Variants in DOCK10 observed in about 807,000 individuals in gnomAD.
DOCK10 encodes dedicator of cytokinesis protein 10.
Under a neutral mutation model 280.1 loss-of-function variants are expected in DOCK10, and 145 were observed. The observed-to-expected ratio is 0.52, with a 90% CI of 0.45 to 0.59. DOCK10 has a LOEUF of 0.59. DOCK10 is among the 20% of genes least tolerant of loss of function. DOCK10 has a pLI of 0.00. For synonymous variants in DOCK10, 915 were observed against 942.2 expected (o/e 0.97, Z 0.53); for missense variants, 2,368 against 2,651.7 (o/e 0.89, Z 2.35).
At chr2:224,978,556 T>C (rs893234479) in intron 1 of DOCK10, among the ~76,000 whole-genome samples, 13 of 152,028 alleles carry the variant, frequency 8.6e-5, no homozygotes, top group African/African-American at 2.9e-4. Flanking sequence ...ATAAGAAAAA[T>C]ATGTGATCAG....
At chr2:224,972,155 T>A (rs770268409) in intron 1 of DOCK10, among the ~76,000 whole-genome samples, 1 of 152,214 alleles carries the variant, frequency 6.6e-6, no homozygotes, top group Non-Finnish European at 1.5e-5. Context: ...TGTGCAAAGT[T>A]TGTAGCAAAG....
At chr2:224,793,500 T>C (rs751336481) in intron 45 of DOCK10, 43 bp from the exon 46 acceptor site, 14 of 1,512,622 alleles carry the variant, frequency 9.3e-6, no homozygotes, top group Non-Finnish European at 1.2e-5. Flanking sequence ...GGATGGAGTT[T>C]AATATAATTA....
intron 3 of DOCK10, among the ~76,000 whole-genome samples, chr2:224,901,520 G>A (rs1388239989): frequency 1.3e-5 from 2 of 152,196 alleles, no homozygotes; most frequent in Non-Finnish European, 2.9e-5. Context: ...CTGCCTGTAT[G>A]TGTTTAGACA....
At chr2:224,877,139 G>A (rs942689384) in intron 7 of DOCK10, among the ~76,000 whole-genome samples, 1 of 152,170 alleles carries the variant, frequency 6.6e-6, no homozygotes, top group African/African-American at 2.4e-5. Flanking sequence ...GTGCCCCCAT[G>A]TACTTATATG....
chr2:224,993,499 C>A (rs1365340327), intron 1 of DOCK10, among the ~76,000 whole-genome samples: 1 of 152,144 alleles, frequency 6.6e-6, no homozygotes, highest in African/African-American at 2.4e-5. Flanking sequence ...GTCAACTGTG[C>A]CTTCCATTGC....
At position 224,874,135 on chromosome 2, in the gene DOCK10, T is replaced by G; in HGVS notation, c.1118A>C (p.Lys373Thr). The change falls in exon 11 of 56, where the codon AAA (lysine) becomes ACA (threonine). Residue 373 changes from lysine to threonine, a missense_variant. Transcript: ENST00000258390. ...AGACTCAGGTTCCAAGAGATCTTTT[T>G]TTTGAAGTTTCAAGGTCTAAAAAAG... ...DPDIDTLKLQ[K>T]KDLLEPESVI... is the part of the protein sequence containing the mutation. The G allele has an allele frequency of 1.3e-6, 2 of 1,594,500 alleles. No homozygotes were observed. The highest frequency in any genetic ancestry group is 2.3e-5 in the South Asian group (2 of 87,038).
chr2:224,788,579 G>A (rs1691914234), intron 48 of DOCK10, among the ~76,000 whole-genome samples: 1 of 152,054 alleles, frequency 6.6e-6, no homozygotes, highest in Admixed American at 6.5e-5. Context: ...TACTTAATGA[G>A]AGGAGTTCTA....
intron 4 of DOCK10, among the ~76,000 whole-genome samples, chr2:224,892,446 G>GAAAAGAAA (rs1458963328): frequency 7.4e-6 from 1 of 135,234 alleles, no homozygotes; most frequent in African/African-American, 2.7e-5. Context: ...GAAAAGAAAA[G>GAAAAGAAA]AAAAAAATCG....
At chr2:224,999,279 T>C (rs1706361262) in intron 1 of DOCK10, among the ~76,000 whole-genome samples, 1 of 151,946 alleles carries the variant, frequency 6.6e-6, no homozygotes, top group Non-Finnish European at 1.5e-5. Context: ...GGTCTCGCTA[T>C]GTTGCCCACG....
At chr2:224,792,940 T>G (rs1692300868) in intron 47 of DOCK10, 34 bp downstream of exon 47, 1 of 1,483,730 alleles carries the variant, frequency 6.7e-7, no homozygotes, top group Non-Finnish European at 9.4e-7. Context: ...GGATTTCCTC[T>G]GCATTGGGAT....
chr2:225,005,340 T>G (rs561816575), intron 1 of DOCK10, among the ~76,000 whole-genome samples: 1 of 152,324 alleles, frequency 6.6e-6, no homozygotes, highest in Non-Finnish European at 1.5e-5. Context: ...TTTCAATCAT[T>G]GGTGAATTCA....
At chr2:225,024,224 GA>G (rs1357600283) in intron 1 of DOCK10, among the ~76,000 whole-genome samples, 3 of 152,038 alleles carry the variant, frequency 2.0e-5, no homozygotes, top group Non-Finnish European at 4.4e-5. Context: ...TTCTGGACCA[GA>G]AAAAAACAAT....
intron 18 of DOCK10, among the ~76,000 whole-genome samples, chr2:224,850,066 T>C (rs1696629710): frequency 6.6e-6 from 1 of 152,214 alleles, no homozygotes; most frequent in Non-Finnish European, 1.5e-5. Context: ...GACCTCATTA[T>C]ATGCTCATTG....
At chr2:224,852,472 T>G (rs778009523) in intron 17 of DOCK10, 30 bp from the exon 18 acceptor site, 2 of 1,528,654 alleles carry the variant, frequency 1.3e-6, no homozygotes, top group South Asian at 2.4e-5. Context: ...AAATGGAAAT[T>G]GTAATTTCCT....
Position 224,778,282 on chromosome 2 carries a change from G to A in DOCK10, c.5658C>T (p.Gly1886=), listed in dbSNP as rs757064081. Residue 1886 remains glycine, a splice_region_variant and synonymous_variant, in exon 51 of 56, where the codon GGC becomes GGT. Transcript: ENST00000258390. ...RYYRVAFYGQ[G]FFEEEEGKEY... ...CTTTACCTTCTTCTTCTTCAAAAAA[G>A]CCCTATGGAACATAATGAACCACCA... 1.2e-6 allele frequency: 2 copies of A among 1,600,254 alleles called. No homozygotes were observed. Among genetic ancestry groups the A allele is most frequent in the South Asian group, 2.2e-5 (2 of 88,990 alleles).
chr2:224,978,779 T>G (rs62188014), intron 1 of DOCK10, among the ~76,000 whole-genome samples: 44 of 152,204 alleles, frequency 2.9e-4, no homozygotes, highest in Non-Finnish European at 5.9e-4. Context: ...TATATGCAAC[T>G]TCCTACTTGA....
At position 224,853,043 on chromosome 2, in the gene DOCK10, T is replaced by C; in HGVS notation, c.1968A>G (p.Glu656=). The C allele has an allele frequency of 6.2e-7, 1 of 1,612,242 alleles. No individual in the cohort carries two copies. The highest frequency in any genetic ancestry group is 1.1e-5 in the South Asian group (1 of 90,840). Residue 656 remains glutamate (E), a synonymous_variant, in exon 17 of 56, where the codon GAA becomes GAG. Transcript: ENST00000258390. The stretch of plus-strand genomic sequence containing the variant: ...AATACTTTGTTGAATCGTAAACAAA[T>C]TCTTCCACCTCCACTGTGGGTTCTG... ...AQTEPTVEVE[E]FVYDSTKYCR... is the part of the protein sequence containing the mutation.
chr2:224,794,444 C>T (rs1166704057), intron 45 of DOCK10, among the ~76,000 whole-genome samples: 1 of 152,170 alleles, frequency 6.6e-6, no homozygotes, highest in Non-Finnish European at 1.5e-5. Flanking sequence ...TTTCCATGGC[C>T]AGTTCAAACT....
intron 7 of DOCK10, among the ~76,000 whole-genome samples, chr2:224,881,347 G>A (rs1474721345): frequency 1.3e-5 from 2 of 151,996 alleles, no homozygotes; most frequent in Non-Finnish European, 2.9e-5. Flanking sequence ...TTTTCACAAT[G>A]GTTTGCACAT....
Sources: allele counts gnomAD v4.1 joint callset (sites outside exome capture counted in the v4.1 genomes callset), GRCh38; gene constraint gnomAD v4.1.1; transcripts MANE v1.5; gene names NCBI Gene and HGNC (gene_info 2026-07-23, HGNC 2026-07-21).